The following OGDH variants were observed in gnomAD, a reference collection of about 807,000 sequenced individuals.
OGDH encodes the protein 2-oxoglutarate dehydrogenase complex component E1.
OGDH carries 38 observed loss-of-function variants against 116.6 expected under a neutral mutation model. That is an observed-to-expected ratio of 0.33 (90% CI 0.25 to 0.43). The LOEUF (loss-of-function observed/expected upper bound fraction) is 0.43, where lower values mean the gene tolerates loss of function less well. Among genes scored for constraint, OGDH ranks in the 20% least tolerant of loss-of-function variants. The probability of loss-of-function intolerance (pLI) is 1.00; values close to 1 mark genes in which losing one functional copy is unlikely to be tolerated. For synonymous variants in OGDH, 488 were observed against 533.3 expected (o/e 0.92, Z 1.17); for missense variants, 825 against 1,357.2 (o/e 0.61, Z 6.16).
chr7:44,682,129 T>G (rs1787953095), intron 10 of OGDH, among the ~76,000 whole-genome samples: 1 of 152,138 alleles, frequency 6.6e-6, no homozygotes, highest in Non-Finnish European at 1.5e-5. Flanking sequence ...GTGCAGTGGC[T>G]CAGTCCTGTA....
chr7:44,681,530 G>A (rs1016686981), intron 9 of OGDH, among the ~76,000 whole-genome samples, 190 bp from the exon 10 acceptor site: 2 of 152,226 alleles, frequency 1.3e-5, no homozygotes, highest in Non-Finnish European at 2.9e-5. Flanking sequence ...GTGTGTTGGT[G>A]TTGAGCAGAT....
At chr7:44,641,647 C>T (rs1785950218) in intron 2 of OGDH, among the ~76,000 whole-genome samples, 1 of 152,202 alleles carries the variant, frequency 6.6e-6, no homozygotes, top group Non-Finnish European at 1.5e-5. Context: ...CCTTTTAGGT[C>T]AGGTCCTCAG....
intron 1 of OGDH, among the ~76,000 whole-genome samples, chr7:44,616,805 A>G (rs953932539): frequency 2.6e-5 from 3 of 113,394 alleles, no homozygotes; most frequent in Non-Finnish European, 3.8e-5. Flanking sequence ...GTGTATATAT[A>G]TGCATATATA....
chr7:44,706,674 T>C (rs1789090885), intron 20 of OGDH, among the ~76,000 whole-genome samples: 1 of 140,742 alleles, frequency 7.1e-6, no homozygotes, highest in South Asian at 2.3e-4. Flanking sequence ...TTGCCCAGAC[T>C]GTAGTGCATG....
chr7:44,618,214 C>G (rs1289805167), intron 1 of OGDH, among the ~76,000 whole-genome samples: 1 of 151,850 alleles, frequency 6.6e-6, no homozygotes, highest in Non-Finnish European at 1.5e-5. Flanking sequence ...TACATTTTTT[C>G]TTACACATTA....
At chr7:44,619,044 G>A (rs926739808) in intron 1 of OGDH, among the ~76,000 whole-genome samples, 2 of 152,210 alleles carry the variant, frequency 1.3e-5, no homozygotes, top group African/African-American at 4.8e-5. Context: ...CCAAGAGGAT[G>A]GGGTACGGAG....
At chr7:44,643,781 A>G (rs1247781838) in intron 2 of OGDH, among the ~76,000 whole-genome samples, 1 of 152,234 alleles carries the variant, frequency 6.6e-6, no homozygotes, top group East Asian at 1.9e-4. Context: ...GGAGAATGCA[A>G]AGATCTCATA....
intron 1 of OGDH, among the ~76,000 whole-genome samples, chr7:44,612,780 T>C (rs1392706700): frequency 6.6e-6 from 1 of 152,196 alleles, no homozygotes; most frequent in Admixed American, 6.5e-5. Context: ...CACTGCAGCC[T>C]CTACTTCCAG....
chr7:44,647,394 C>A, intron 3 of OGDH: 1 of 1,311,024 alleles, frequency 7.6e-7, no homozygotes, highest in South Asian at 1.3e-5. Context: ...TTAACCCTCC[C>A]CACAGCTCAC....
chr7:44,707,532 G>A lies in OGDH; in HGVS notation c.2797-50G>A. On this transcript the variant is annotated intron_variant, in intron 21 of 22. Coordinates refer to ENST00000222673, the MANE Select transcript of OGDH (RefSeq NM_002541.4). This position sits in a 1 kb window ranked among gnomAD's most constrained non-coding sequence, Gnocchi z 5.2. ...CACCAGTTTCCCTTTGCTGGATCTT[G>A]CCTGCCCTCTGAGTTTCCTCTTTTT... 2 of 1,607,928 alleles carry A rather than the reference G, an allele frequency of 1.2e-6. No individual in the cohort carries two copies. The highest frequency in any genetic ancestry group is 1.7e-6 in the Non-Finnish European group (2 of 1,177,160).
intron 10 of OGDH, among the ~76,000 whole-genome samples, chr7:44,688,141 C>G (rs1273555035): frequency 6.6e-6 from 1 of 152,016 alleles, no homozygotes; most frequent in Non-Finnish European, 1.5e-5. Flanking sequence ...GAGGCCGAGG[C>G]AGGTGGATCA....
At chr7:44,613,965 C>T (rs563890133) in intron 1 of OGDH, among the ~76,000 whole-genome samples, 235 of 152,002 alleles carry the variant, frequency 1.5e-3, no homozygotes, top group African/African-American at 5.5e-3. Flanking sequence ...TGCTGCCACT[C>T]CCAGCTAATT....
chr7:44,678,316 C>T (rs960519050), intron 9 of OGDH, among the ~76,000 whole-genome samples: 1 of 152,128 alleles, frequency 6.6e-6, no homozygotes, highest in African/African-American at 2.4e-5. Context: ...GGCATTTGGG[C>T]TGAGTAGTGG....
chr7:44,650,005 T>C (rs1038590274), intron 4 of OGDH, among the ~76,000 whole-genome samples: 2 of 152,158 alleles, frequency 1.3e-5, no homozygotes, highest in Admixed American at 1.3e-4. Context: ...TGAAATCCTT[T>C]GAGGAGGAAA....
chr7:44,706,943 C>G (rs989052652), intron 20 of OGDH, among the ~76,000 whole-genome samples: 4 of 152,276 alleles, frequency 2.6e-5, no homozygotes, highest in Middle Eastern at 3.4e-3. Flanking sequence ...TAATAATACT[C>G]TTGTCCCCGA....
At chr7:44,644,588 AAG>A (rs1786088140) in intron 2 of OGDH, among the ~76,000 whole-genome samples, 1 of 152,206 alleles carries the variant, frequency 6.6e-6, no homozygotes. Context: ...GTAACTCACT[AAG>A]AGCCTACCTC....
rs574777186 is a variant in OGDH, at chr7:44,694,528, C to T, written c.1620C>T (p.Tyr540=). The T allele has an allele frequency of 1.4e-5, 23 of 1,614,042 alleles. No homozygotes were observed. In the South Asian group the frequency reaches 1.6e-4, roughly 12 times the overall value. The change falls in exon 12 of 23, where the codon TAC becomes TAT. Residue 540 remains tyrosine, a synonymous_variant. Transcript: ENST00000222673. This position sits in a 1 kb window ranked among gnomAD's most constrained non-coding sequence, Gnocchi z 4.2. ...IRKQKPVLQK[Y]AELLVSQGVV... The stretch of plus-strand genomic sequence containing the variant: ...AGCAGAAGCCTGTGTTACAGAAGTA[C>T]GCTGAGCTGCTGGTGTCGCAGGGTG...
intron 2 of OGDH, 61 bp from the exon 3 acceptor site, chr7:44,645,266 C>G (rs1786119079): frequency 6.7e-7 from 1 of 1,486,742 alleles, no homozygotes; most frequent in Admixed American, 1.8e-5. Context: ...TCTCTGTGGC[C>G]ACAGATGCAT....
Position 44,700,231 on chromosome 7 carries a change from G to T in OGDH, c.2521G>T (p.Val841Leu). The change falls in exon 19 of 23, where the codon GTG (valine) becomes TTG (leucine). Residue 841 changes from valine (V) to leucine (L), a missense_variant. Physicochemically the swap from Val to Leu is conservative, Grantham distance 32. Around this residue, in one of 7 missense-constraint regions of OGDH, gnomAD observed 212 missense variants for 284.3 expected, o/e 0.75. Coordinates refer to ENST00000222673, the MANE Select transcript of OGDH (RefSeq NM_002541.4). ...CTCCACTCCTGGCAACTTCTTCCACGTGCTACGACGCCAGATCCTGCTGCC... is the reference window on the plus strand; with the variant it reads ...CTCCACTCCTGGCAACTTCTTCCACTTGCTACGACGCCAGATCCTGCTGCC... ...NCSTPGNFFH[V>L]LRRQILLPFR... The T allele has an allele frequency of 6.2e-7, 1 of 1,614,214 alleles. No individual in the cohort carries two copies. Among genetic ancestry groups the T allele is most frequent in the South Asian group, 1.1e-5 (1 of 91,082 alleles).
Sources: allele counts gnomAD v4.1 joint callset (sites outside exome capture counted in the v4.1 genomes callset), GRCh38; gene constraint gnomAD v4.1.1; regional missense constraint gnomAD v4.1.1; non-coding constraint Gnocchi (gnomAD v3.1); transcripts MANE v1.5; gene names NCBI Gene and HGNC (gene_info 2026-07-23, HGNC 2026-07-21).